Variants in APP observed in about 807,000 individuals in gnomAD.
The protein encoded by APP is amyloid-beta precursor protein.
In APP, 31 loss-of-function variants were observed where a neutral mutation model predicts 101.4. The observed-to-expected ratio is 0.31, with a 90% CI of 0.23 to 0.41. The LOEUF (loss-of-function observed/expected upper bound fraction) is 0.41. Among genes scored for constraint, APP ranks in the 10% least tolerant of loss-of-function variants. The pLI, the probability that APP is intolerant of heterozygous loss-of-function variation, is 1.00. For missense variants in APP, 839 were observed against 1,003.7 expected, an observed-to-expected ratio of 0.84 and a Z score of 2.22; for synonymous variants, 366 against 364.4, an observed-to-expected ratio of 1.00 and a Z score of -0.05.
intron 2 of APP, among the ~76,000 whole-genome samples, chr21:26,096,745 C>T (rs1421063267): frequency 6.6e-6 from 1 of 152,076 alleles, no homozygotes; most frequent in Non-Finnish European, 1.5e-5. Context: ...CACTGCACTC[C>T]AGTCTGGGCA....
chr21:26,047,444 T>G (rs2045656936), intron 5 of APP, among the ~76,000 whole-genome samples: 1 of 152,248 alleles, frequency 6.6e-6, no homozygotes. Flanking sequence ...ACAAGGAGGC[T>G]GCCAGTTGGC....
At chr21:26,126,197 CA>C (rs2062680648) in intron 1 of APP, among the ~76,000 whole-genome samples, 1 of 152,196 alleles carries the variant, frequency 6.6e-6, no homozygotes, top group Non-Finnish European at 1.5e-5. Flanking sequence ...CAGATAACAT[CA>C]CATAGATTCT....
At chr21:25,903,150 T>C (rs2038597154) in intron 15 of APP, among the ~76,000 whole-genome samples, 1 of 151,990 alleles carries the variant, frequency 6.6e-6, no homozygotes. Context: ...GTGGATCACC[T>C]GAGGTCAGTA....
intron 3 of APP, among the ~76,000 whole-genome samples, chr21:26,056,123 G>A (rs1487256553): frequency 3.3e-5 from 5 of 152,156 alleles, no homozygotes; most frequent in African/African-American, 9.7e-5. Context: ...CTGCAGCTTC[G>A]ACCTCCGGGG....
chr21:25,918,799 G>T (rs1384046060), intron 13 of APP, among the ~76,000 whole-genome samples: 2 of 150,542 alleles, frequency 1.3e-5, no homozygotes, highest in Non-Finnish European at 3.0e-5. Context: ...CAGCGAGGCT[G>T]GGGGAGGGGA....
intron 13 of APP, among the ~76,000 whole-genome samples, chr21:25,953,098 T>TC (rs1289509797): frequency 2.1e-5 from 1 of 48,522 alleles, no homozygotes; most frequent in Non-Finnish European, 3.8e-5. Context: ...TTGCTTTTTT[T>TC]CTCTTCTTTT....
intron 3 of APP, among the ~76,000 whole-genome samples, chr21:26,067,348 T>C (rs1051804013): frequency 2.0e-5 from 3 of 152,210 alleles, no homozygotes; most frequent in African/African-American, 7.2e-5. Flanking sequence ...GTTTCAAATA[T>C]TCAATGGCCA....
At chr21:26,035,831 G>A (rs1477739317) in intron 5 of APP, among the ~76,000 whole-genome samples, 2 of 152,160 alleles carry the variant, frequency 1.3e-5, no homozygotes, top group Non-Finnish European at 2.9e-5. Context: ...TTAGATTAGT[G>A]CTGGAAAAGA....
intron 6 of APP, among the ~76,000 whole-genome samples, chr21:26,015,708 CT>C (rs560236208): frequency 6.6e-4 from 101 of 152,196 alleles, no homozygotes; most frequent in African/African-American, 1.7e-3. Context: ...CAAACCCTAC[CT>C]CAAAAGAAAT....
chr21:26,033,275 G>T (rs2044926276), intron 5 of APP, among the ~76,000 whole-genome samples: 1 of 152,142 alleles, frequency 6.6e-6, no homozygotes. Context: ...GGAGTTCTCA[G>T]GAGATCTGAC....
chr21:25,961,727 T>C (rs216757), intron 11 of APP, among the ~76,000 whole-genome samples: 10,005 of 152,208 alleles, frequency 0.066, 543 homozygotes, highest in African/African-American at 0.13. Context: ...GAAACCTTCA[T>C]ACAGGAATGG....
chr21:25,971,383 A>AGGACACTGATTCCTGAAAAG (rs2042027448), intron 11 of APP, among the ~76,000 whole-genome samples: 1 of 152,240 alleles, frequency 6.6e-6, no homozygotes, highest in Non-Finnish European at 1.5e-5. Context: ...CATCAGGTGA[A>AGGACACTGATTCCTGAAAAG]GGACACTGAT....
At chr21:26,143,614 A>G (rs1344412226) in intron 1 of APP, among the ~76,000 whole-genome samples, 1 of 152,208 alleles carries the variant, frequency 6.6e-6, no homozygotes, top group African/African-American at 2.4e-5. Flanking sequence ...TCAAGTGTAC[A>G]ATTCACTATT....
chr21:25,982,432 A>G lies in APP; in HGVS notation c.1136T>C (p.Leu379Pro). ...ASTPDAVDKY[L>P]ETPGDENEHA... ...TTCATTCTCATCCCCAGGTGTCTCG[A>G]GATACTTGTCAACGGCATCAGGGGT... is the stretch of plus-strand genomic sequence containing the variant. Residue 379 changes from leucine to proline, a missense_variant, in exon 9 of 18, where the codon CTC (leucine) becomes CCC (proline). Transcript: ENST00000346798. 1 of 1,613,826 alleles carries G rather than the reference A, an allele frequency of 6.2e-7. No homozygotes were observed. Among genetic ancestry groups the G allele is most frequent in the Non-Finnish European group, 8.5e-7 (1 of 1,179,824 alleles).
chr21:25,978,346 T>C lies in APP; in HGVS notation c.1225-2318A>G, dbSNP rs189281886. On this transcript the variant is annotated intron_variant, in intron 9 of 17. Transcript: ENST00000346798. The stretch of plus-strand genomic sequence containing the variant: ...ACTGTGGGACTGATAACAAGTAGCA[T>C]TACTGCTGACCCTGTATTAAGAGCT... Among the ~76,000 whole-genome samples the C allele has an allele frequency of 1.1e-4, 17 of 152,318 alleles. No homozygotes were observed. The East Asian group carries it at 2.9e-3, about 26-fold the overall frequency.
At chr21:25,907,521 A>C (rs979694615) in intron 14 of APP, among the ~76,000 whole-genome samples, 3 of 152,256 alleles carry the variant, frequency 2.0e-5, no homozygotes, top group Non-Finnish European at 4.4e-5. Context: ...CTGTTTAGTA[A>C]TTTAAAAACA....
chr21:26,116,067 C>T (rs2062428514), intron 1 of APP, among the ~76,000 whole-genome samples: 1 of 152,116 alleles, frequency 6.6e-6, no homozygotes, highest in Admixed American at 6.6e-5. Context: ...AACTGAATGA[C>T]TTGCCACTGA....
chr21:26,034,023 A>G (rs951363489), intron 5 of APP, among the ~76,000 whole-genome samples: 7 of 152,226 alleles, frequency 4.6e-5, no homozygotes, highest in Admixed American at 1.3e-4. Context: ...AATCTGAGCC[A>G]CTAATACACA....
intron 13 of APP, among the ~76,000 whole-genome samples, chr21:25,916,945 AC>A (rs565854796): frequency 6.6e-6 from 1 of 152,084 alleles, no homozygotes; most frequent in East Asian, 1.9e-4. Flanking sequence ...CACCTAATGA[AC>A]CCCATCACCT....
Sources: allele counts gnomAD v4.1 joint callset (sites outside exome capture counted in the v4.1 genomes callset), GRCh38; gene constraint gnomAD v4.1.1; transcripts MANE v1.5; gene names NCBI Gene and HGNC (gene_info 2026-07-23, HGNC 2026-07-21).